TNIK: variants seen among roughly 807,000 people sequenced by gnomAD.
TNIK encodes the protein TRAF2 and NCK interacting kinase, also known as TRAF2 and NCK-interacting protein kinase.
Under a neutral mutation model 191.3 loss-of-function variants are expected in TNIK, and 49 were observed. The observed-to-expected ratio is 0.26, with a 90% CI of 0.20 to 0.32. The LOEUF (loss-of-function observed/expected upper bound fraction) is 0.32. Among genes scored for constraint, TNIK ranks in the 10% least tolerant of loss-of-function variants. The pLI is 1.00. For missense variants in TNIK, 1,155 were observed against 1,702.3 expected (o/e 0.68, Z 5.66); for synonymous variants, 594 against 600.9 (o/e 0.99, Z 0.17).
At chr3:171,111,667 T>G (rs1360111482) in intron 18 of TNIK, among the ~76,000 whole-genome samples, 1 of 152,122 alleles carries the variant, frequency 6.6e-6, no homozygotes, top group Non-Finnish European at 1.5e-5. Context: ...TGGATATATA[T>G]CCAAAGGAAA....
At chr3:171,261,963 T>G (rs1316045362) in intron 2 of TNIK, among the ~76,000 whole-genome samples, 1 of 152,308 alleles carries the variant, frequency 6.6e-6, no homozygotes, top group African/African-American at 2.4e-5. Context: ...CCAGGTTTTA[T>G]GAACAACTAG....
chr3:171,188,871 T>C (rs1737685712), intron 6 of TNIK, 39 bp from the exon 7 acceptor site: 1 of 1,607,254 alleles, frequency 6.2e-7, no homozygotes, highest in African/African-American at 1.3e-5. Flanking sequence ...TCTGTGATCA[T>C]AGGTTTTAGA....
chr3:171,182,162 T>C (rs1736732595), intron 7 of TNIK, among the ~76,000 whole-genome samples: 1 of 140,444 alleles, frequency 7.1e-6, no homozygotes, highest in African/African-American at 2.7e-5. Flanking sequence ...GATATCATTG[T>C]TAGGATTTTT....
intron 2 of TNIK, among the ~76,000 whole-genome samples, chr3:171,312,112 T>TA (rs1754086200): frequency 2.2e-4 from 8 of 36,304 alleles, no homozygotes; most frequent in African/African-American, 9.3e-4. Flanking sequence ...CAGCTCCAGA[T>TA]TAAAAAAAAA....
intron 15 of TNIK, among the ~76,000 whole-genome samples, chr3:171,131,096 T>C (rs1729172082): frequency 6.6e-6 from 1 of 151,640 alleles, no homozygotes; most frequent in Non-Finnish European, 1.5e-5. Flanking sequence ...AACAGGGCAT[T>C]GGGAGGCCGA....
At chr3:171,292,775 CAAAAA>C (rs59314303) in intron 2 of TNIK, among the ~76,000 whole-genome samples, 4 of 85,056 alleles carry the variant, frequency 4.7e-5, no homozygotes, top group Non-Finnish European at 6.8e-5. Context: ...GACTCCATCT[CAAAAA>C]AAAAAAAAAA....
chr3:171,452,729 A>AACACACACACACACACAAACACACACAC (rs1447927451), intron 1 of TNIK, among the ~76,000 whole-genome samples: 3 of 142,644 alleles, frequency 2.1e-5, no homozygotes, highest in African/African-American at 7.7e-5. Context: ...ACACACTCCA[A>AACACACACACACACACAAACACACACAC]ACACACACAC....
At chr3:171,123,560 G>A (rs1331076888) in intron 18 of TNIK, 36 bp downstream of exon 18, 1 of 1,485,544 alleles carries the variant, frequency 6.7e-7, no homozygotes, top group Non-Finnish European at 9.0e-7. Flanking sequence ...GTGGGTAGGA[G>A]TTTCTTCTTT....
At chr3:171,153,799 C>T (rs1014189866) in intron 12 of TNIK, among the ~76,000 whole-genome samples, 1 of 152,202 alleles carries the variant, frequency 6.6e-6, no homozygotes, top group African/African-American at 2.4e-5. Context: ...GCCCCACTCC[C>T]TCCTGTAGCG....
chr3:171,099,127 C>T (rs955171265), intron 22 of TNIK, among the ~76,000 whole-genome samples: 4 of 152,102 alleles, frequency 2.6e-5, no homozygotes, highest in African/African-American at 9.7e-5. Flanking sequence ...CTCTGAATTG[C>T]TTTACCAGTC....
At chr3:171,367,161 T>C (rs934217871) in intron 2 of TNIK, among the ~76,000 whole-genome samples, 1 of 152,264 alleles carries the variant, frequency 6.6e-6, no homozygotes, top group African/African-American at 2.4e-5. Context: ...AACATTTCTA[T>C]TTATACCTAC....
In TNIK at chr3:171,282,334, G is replaced by GTTTTTTTTTTTTTTTTTTTTTTTTTT. The variant is rs201489240; in HGVS notation, c.124-54114_124-54113insAAAAAAAAAAAAAAAAAAAAAAAAAA. Among the ~76,000 whole-genome samples, 50 of 114,536 alleles carry GTTTTTTTTTTTTTTTTTTTTTTTTTT rather than the reference G, an allele frequency of 4.4e-4. 5 individuals carry two copies. Among genetic ancestry groups the GTTTTTTTTTTTTTTTTTTTTTTTTTT allele is most frequent in the African/African-American group, 8.3e-4 (24 of 28,912 alleles). 75.1% of individuals were successfully genotyped at this position (114,536 alleles called of 152,430 possible). On this transcript the variant is annotated intron_variant, in intron 2 of 32. Coordinates refer to ENST00000436636, the MANE Select transcript of TNIK (RefSeq NM_015028.4). ...GAACTATCTGCAGATTCTCTTAATG[G>GTTTTTTTTTTTTTTTTTTTTTTTTTT]TTTTTTGTTTTTTTTTTTTTTTTTG...
At chr3:171,245,488 A>G (rs1745490372) in intron 2 of TNIK, among the ~76,000 whole-genome samples, 1 of 152,140 alleles carries the variant, frequency 6.6e-6, no homozygotes, top group African/African-American at 2.4e-5. Context: ...ATTTTATTAT[A>G]AAGTAGATTT....
In TNIK at chr3:171,227,671, C is replaced by T. The variant is rs550744849; in HGVS notation, c.180+494G>A. On this transcript the variant is annotated intron_variant, in intron 3 of 32. Transcript: ENST00000436636. ...TACTGCATACTCTTCCTTATGTTAG[C>T]CACAAGTGGGGAAAGATATTAGATA... Among the ~76,000 whole-genome samples the T allele has an allele frequency of 2.6e-5, 4 of 152,228 alleles. No homozygotes were observed. The East Asian group carries it at 5.8e-4, about 22-fold the overall frequency.
In TNIK at chr3:171,163,161, T is replaced by C. The variant is rs114646329; in HGVS notation, c.950-1825A>G. 4.9e-3 allele frequency among the ~76,000 whole-genome samples: 753 copies of C among 152,210 alleles called. 12 individuals are homozygous for C. The highest frequency in any genetic ancestry group is 0.017 in the African/African-American group (713 of 41,548). On this transcript the variant is annotated intron_variant, in intron 10 of 32. Transcript: ENST00000436636. ...TAGGTGCCTGGGTGTGAGAAAACCT[T>C]ATGGAGGGACAAAGGCTGGCAGGGA...
At chr3:171,362,997 T>G (rs566911214) in intron 2 of TNIK, among the ~76,000 whole-genome samples, 1 of 152,278 alleles carries the variant, frequency 6.6e-6, no homozygotes, top group African/African-American at 2.4e-5. Context: ...CATCCCCACT[T>G]GCACCTCAAT....
At chr3:171,409,851 G>T (rs1226559612) in intron 1 of TNIK, among the ~76,000 whole-genome samples, 2 of 150,170 alleles carry the variant, frequency 1.3e-5, no homozygotes, top group Non-Finnish European at 3.0e-5. Flanking sequence ...GTATATTATG[G>T]GTTACCATAC....
intron 10 of TNIK, among the ~76,000 whole-genome samples, chr3:171,164,516 G>T (rs902080086): frequency 1.3e-5 from 2 of 152,204 alleles, no homozygotes; most frequent in African/African-American, 2.4e-5. Context: ...GATATTAGTA[G>T]TATACTCTCA....
chr3:171,290,534 G>T (rs750204867), intron 2 of TNIK, among the ~76,000 whole-genome samples: 1 of 152,174 alleles, frequency 6.6e-6, no homozygotes, highest in Non-Finnish European at 1.5e-5. Context: ...ATGTCAAAAT[G>T]AATTTTATTA....
Sources: gnomAD v4.1 joint callset for allele counts (sites outside exome capture counted in the v4.1 genomes callset) on GRCh38, gnomAD v4.1.1 for gene constraint, MANE v1.5 for transcripts, NCBI Gene and HGNC (gene_info 2026-07-23, HGNC 2026-07-21) for gene names.